The following GIGYF2 variants were observed in gnomAD, a reference collection of about 807,000 sequenced individuals.
GIGYF2 encodes GRB10 interacting GYF protein 2, also known as GRB10-interacting GYF protein 2.
Under a neutral mutation model 208.1 loss-of-function variants are expected in GIGYF2, and 25 were observed. That is an observed-to-expected ratio of 0.12 (90% CI 0.09 to 0.17). The LOEUF is 0.17. GIGYF2 is among the 10% of genes least tolerant of loss of function. The pLI, the probability that GIGYF2 is intolerant of heterozygous loss-of-function variation, is 1.00. For synonymous variants in GIGYF2, 534 were observed against 543.8 expected (o/e 0.98, Z 0.25); for missense variants, 1,302 against 1,579.4 (o/e 0.82, Z 2.98).
At position 232,717,160 on chromosome 2, in the gene GIGYF2, A is replaced by T. The variant is rs529693314; in HGVS notation, c.-44+13671A>T. 2.0e-5 allele frequency among the ~76,000 whole-genome samples: 3 copies of T among 151,966 alleles called. No homozygotes were observed. In the East Asian group the frequency reaches 5.8e-4, roughly 29 times the overall value. On this transcript the variant is annotated intron_variant, in intron 2 of 28. Transcript: ENST00000373563. ...AAGCATTTATGATTTATTTAACACA[A>T]CTGGAGCTGGGCATAGTAGCTCATA...
chr2:232,776,710 T>G, intron 8 of GIGYF2: 1 of 498,696 alleles, frequency 2.0e-6, no homozygotes, highest in East Asian at 3.3e-5. Flanking sequence ...GAGGTCTTTC[T>G]TTACCCAACA....
chr2:232,793,864 A>G (rs866627391), intron 12 of GIGYF2, among the ~76,000 whole-genome samples: 6 of 152,162 alleles, frequency 3.9e-5, no homozygotes, highest in Non-Finnish European at 8.8e-5. Flanking sequence ...AGATGCTACT[A>G]AGAGATTGGA....
intron 14 of GIGYF2, among the ~76,000 whole-genome samples, chr2:232,797,753 G>A (rs1251315862): frequency 6.6e-6 from 1 of 151,932 alleles, no homozygotes; most frequent in East Asian, 1.9e-4. Context: ...GGCCAGGGTG[G>A]GTAGACCACT....
chr2:232,799,051 G>A (rs1700310344), intron 14 of GIGYF2, among the ~76,000 whole-genome samples: 1 of 151,554 alleles, frequency 6.6e-6, no homozygotes, highest in Non-Finnish European at 1.5e-5. Flanking sequence ...AAGTGGAATC[G>A]TGCAGTATTT....
In GIGYF2 at chr2:232,710,945, C is replaced by T. The variant is rs148377564; in HGVS notation, c.-44+7456C>T. 1.1e-3 allele frequency among the ~76,000 whole-genome samples: 171 copies of T among 151,872 alleles called. No individual in the cohort carries two copies. In the East Asian group the frequency reaches 0.024, roughly 21 times the overall value. ...CGAACTCCTGACCTCAGGTGATCCACCCACCTCAGCCTCCCAAAGTGTTGG... is the reference window on the plus strand; with the variant it reads ...CGAACTCCTGACCTCAGGTGATCCATCCACCTCAGCCTCCCAAAGTGTTGG... On this transcript the variant is annotated intron_variant, in intron 2 of 28. Coordinates refer to ENST00000373563, the MANE Select transcript of GIGYF2 (RefSeq NM_001103146.3).
At chr2:232,824,162 A>G (rs181084250) in intron 21 of GIGYF2, among the ~76,000 whole-genome samples, 1 of 151,730 alleles carries the variant, frequency 6.6e-6, no homozygotes, top group East Asian at 1.9e-4. Context: ...ACACATCATT[A>G]TGGAAATTAG....
intron 3 of GIGYF2, among the ~76,000 whole-genome samples, chr2:232,739,859 G>A (rs1264634425): frequency 1.3e-5 from 2 of 151,696 alleles, no homozygotes; most frequent in Admixed American, 6.6e-5. Flanking sequence ...CAGCACTTTG[G>A]GAGGCCGAGG....
At position 232,835,935 on chromosome 2, in the gene GIGYF2, A is replaced by G. The variant is rs559454598; in HGVS notation, c.2766+2842A>G. On this transcript the variant is annotated intron_variant, in intron 22 of 28. Coordinates refer to ENST00000373563, the MANE Select transcript of GIGYF2 (RefSeq NM_001103146.3). Reference sequence around the variant, plus strand: ...GCGCTGACCCCGAGATAACTCTCGGATTACAGTCCTAACCTTACCCCTAAA... The same window carrying G: ...GCGCTGACCCCGAGATAACTCTCGGGTTACAGTCCTAACCTTACCCCTAAA... Among the ~76,000 whole-genome samples the G allele has an allele frequency of 3.8e-3, 570 of 151,924 alleles. 6 individuals carry two copies. The highest frequency in any genetic ancestry group is 4.9e-3 in the Non-Finnish European group (330 of 67,942).
rs1015387651 is a variant in GIGYF2, at chr2:232,791,457, G to A, written c.1282+11G>A. On this transcript the variant is annotated intron_variant, in intron 12 of 28. Coordinates refer to ENST00000373563, the MANE Select transcript of GIGYF2 (RefSeq NM_001103146.3). ...CCAGCAGAGGGGATGGTATGTATTT[G>A]TGGGAATAGACAAGCTAAAATAGGA... 1.2e-6 allele frequency: 2 copies of A among 1,610,034 alleles called. No individual in the cohort carries two copies. Among genetic ancestry groups the A allele is most frequent in the Non-Finnish European group, 1.7e-6 (2 of 1,177,278 alleles).
chr2:232,855,102 T>A (rs1690508374), intron 28 of GIGYF2, among the ~76,000 whole-genome samples: 1 of 97,188 alleles, frequency 1.0e-5, no homozygotes, highest in Admixed American at 1.2e-4. Flanking sequence ...TTTTTTTTTT[T>A]TTGAGACAAG....
intron 1 of GIGYF2, among the ~76,000 whole-genome samples, chr2:232,699,811 C>T (rs1209691734): frequency 6.6e-6 from 1 of 152,214 alleles, no homozygotes; most frequent in South Asian, 2.1e-4. Flanking sequence ...TTTCTTAATA[C>T]TGTGCTGTCC....
chr2:232,700,838 G>A (rs944970719), intron 1 of GIGYF2, among the ~76,000 whole-genome samples: 10 of 151,998 alleles, frequency 6.6e-5, no homozygotes, highest in Non-Finnish European at 1.3e-4. Flanking sequence ...TATATAAAAT[G>A]AAAAAGAAAT....
At chr2:232,770,608 ATTTT>A (rs60972218) in intron 8 of GIGYF2, among the ~76,000 whole-genome samples, 6 of 149,974 alleles carry the variant, frequency 4.0e-5, no homozygotes, top group African/African-American at 1.2e-4. Flanking sequence ...CCTTTTGTTA[ATTTT>A]TTTTTTTTGA....
chr2:232,710,348 CA>C (rs1167933639), intron 2 of GIGYF2, among the ~76,000 whole-genome samples: 1 of 152,140 alleles, frequency 6.6e-6, no homozygotes, highest in Non-Finnish European at 1.5e-5. Context: ...CTTGGCCTCC[CA>C]AAATGCTTGA....
chr2:232,788,855 T>C (rs1699992142), intron 9 of GIGYF2, among the ~76,000 whole-genome samples: 1 of 151,730 alleles, frequency 6.6e-6, no homozygotes. Context: ...AATCCATATA[T>C]TTTTAAAAGA....
intron 6 of GIGYF2, among the ~76,000 whole-genome samples, chr2:232,759,562 A>G (rs1056553458): frequency 6.6e-6 from 1 of 152,086 alleles, no homozygotes; most frequent in Admixed American, 6.6e-5. Flanking sequence ...ATTCTTCAGT[A>G]TGTTCTTGTT....
chr2:232,744,581 C>G (rs1698081301), intron 3 of GIGYF2, among the ~76,000 whole-genome samples: 1 of 150,866 alleles, frequency 6.6e-6, no homozygotes, highest in South Asian at 2.1e-4. Context: ...GCTTTGTCAC[C>G]TAGGCTGGAG....
chr2:232,781,190 C>G (rs1405487593), intron 8 of GIGYF2, among the ~76,000 whole-genome samples: 1 of 151,926 alleles, frequency 6.6e-6, no homozygotes, highest in African/African-American at 2.4e-5. Context: ...AACTCCTGAC[C>G]TCAGGTGATC....
Position 232,851,469 on chromosome 2 carries a change from G to T in GIGYF2, c.3832+1060G>T, listed in dbSNP as rs1026479187. 3.3e-5 allele frequency among the ~76,000 whole-genome samples: 5 copies of T among 151,302 alleles called. No homozygotes were observed. In the East Asian group the frequency reaches 9.7e-4, roughly 29 times the overall value. On this transcript the variant is annotated intron_variant, in intron 28 of 28. Coordinates refer to ENST00000373563, the MANE Select transcript of GIGYF2 (RefSeq NM_001103146.3). ...TGGAGTCTCACTCTTGCTCAGGCTG[G>T]AGTGCAGTGGCGTGATCTCAGCTCA...
Sources: allele counts gnomAD v4.1 joint callset (sites outside exome capture counted in the v4.1 genomes callset), GRCh38; gene constraint gnomAD v4.1.1; transcripts MANE v1.5; gene names NCBI Gene and HGNC (gene_info 2026-07-23, HGNC 2026-07-21).